IL17A: variants seen among roughly 807,000 people sequenced by gnomAD.
IL17A encodes interleukin 17A.
In IL17A, 1 loss-of-function variant was observed where a neutral mutation model predicts 7.2. The observed-to-expected ratio is 0.14, with a 90% CI of 0.05 to 0.66. IL17A has a LOEUF of 0.66. Ranked by LOEUF, IL17A falls within the 30% of genes least tolerant of loss-of-function variation. The probability of loss-of-function intolerance (pLI) is 0.84; values close to 1 mark genes in which losing one functional copy is unlikely to be tolerated. For missense variants in IL17A, 191 were observed against 197.1 expected (o/e 0.97, Z 0.18); for synonymous variants, 90 against 77.7 (o/e 1.16, Z -0.83).
At chr6:52,187,842 C>CAT in intron 2 of IL17A, 37 bp downstream of exon 2, 1 of 1,513,510 alleles carries the variant, frequency 6.6e-7, no homozygotes. Context: ...CTATATTCTT[C>CAT]ATCCCTCTTA....
In IL17A at chr6:52,186,398, C is replaced by T. The variant is rs1562345581; in HGVS notation, c.-34C>T. 1.9e-6 allele frequency: 3 copies of T among 1,612,646 alleles called. No homozygotes were observed. Among genetic ancestry groups the T allele is most frequent in the African/African-American group, 2.7e-5 (2 of 75,036 alleles). On this transcript the variant is annotated 5_prime_UTR_variant, in exon 1 of 3. Coordinates refer to ENST00000648244, the MANE Select transcript of IL17A (RefSeq NM_002190.3). ...TTGTCCATCTCATAGCAGGCACAAA[C>T]TCATCCATCCCCAGTTGATTGGAAG...
intron 1 of IL17A, among the ~76,000 whole-genome samples, chr6:52,186,716 G>C (rs1183423180): frequency 6.6e-6 from 1 of 152,212 alleles, no homozygotes; most frequent in Non-Finnish European, 1.5e-5. Flanking sequence ...GTCACATGAT[G>C]CTGTGCAGTA....
At chr6:52,188,514 T>G (rs1015824928) in intron 2 of IL17A, among the ~76,000 whole-genome samples, 1 of 152,146 alleles carries the variant, frequency 6.6e-6, no homozygotes, top group Admixed American at 6.5e-5. Context: ...TGCAAGCAAA[T>G]CATTCACTGA....
In IL17A at chr6:52,186,470, A is replaced by G. The variant is rs1395870429; in HGVS notation, c.27+12A>G. ...AGACCTCATTGGTGGTGAGTCCTGC[A>G]CTAACGTGCGATGCTCTTGCTGATT... On this transcript the variant is annotated intron_variant, in intron 1 of 2. Transcript: ENST00000648244. The G allele has an allele frequency of 6.2e-7, 1 of 1,613,576 alleles. No individual in the cohort carries two copies. The highest frequency in any genetic ancestry group is 1.3e-5 in the African/African-American group (1 of 74,936).
Position 52,190,453 on chromosome 6 carries a change from C to G in IL17A, c.*1161C>G, listed in dbSNP as rs2128262024. The G allele has an allele frequency of 6.6e-6, 1 of 152,324 alleles. No individual in the cohort carries two copies. The highest frequency in any genetic ancestry group is 1.9e-4 in the East Asian group (1 of 5,180). 9.4% of individuals were successfully genotyped at this position (152,324 alleles called of 1,614,324 possible). On this transcript the variant is annotated 3_prime_UTR_variant, in exon 3 of 3. Coordinates refer to ENST00000648244, the MANE Select transcript of IL17A (RefSeq NM_002190.3). ...CAGAGATCAACAGACCAACATTTTT[C>G]TCTTCCTCAAGCAACACTCCTAGGG...
rs764338682 is a variant in IL17A, at chr6:52,187,728, C to A, written c.153C>A (p.Ile51=). 1 of 1,614,080 alleles carries A rather than the reference C, an allele frequency of 6.2e-7. No homozygotes were observed. Among genetic ancestry groups the A allele is most frequent in the Admixed American group, 1.7e-5 (1 of 60,014 alleles). Residue 51 remains isoleucine, a synonymous_variant, in exon 2 of 3, where the codon ATC becomes ATA. Transcript: ENST00000648244. Reference sequence around the variant, plus strand: ...GGACTGTGATGGTCAACCTGAACATCCATAACCGGAATACCAATACCAATC... The same window carrying A: ...GGACTGTGATGGTCAACCTGAACATACATAACCGGAATACCAATACCAATC... ...FPRTVMVNLN[I]HNRNTNTNPK... is the part of the protein sequence containing the mutation.
Position 52,189,349 on chromosome 6 carries a change from C to A in IL17A, c.*57C>A. 5 of 1,307,016 alleles carry A rather than the reference C, an allele frequency of 3.8e-6. No homozygotes were observed. The highest frequency in any genetic ancestry group is 4.4e-6 in the Non-Finnish European group (4 of 915,918). 81.0% of individuals were successfully genotyped at this position (1,307,016 alleles called of 1,614,324 possible). ...GTTAGACTATGGAGAGCCGACCCAG[C>A]CCCTCAGGAACCCTCATCCTTCAAA... is the stretch of plus-strand genomic sequence containing the variant. On this transcript the variant is annotated 3_prime_UTR_variant, in exon 3 of 3. Transcript: ENST00000648244.
rs1000402748 is a variant in IL17A at position 52,187,484 on chromosome 6, C to T, written c.28-119C>T. On this transcript the variant is annotated intron_variant, in intron 1 of 2. Transcript: ENST00000648244. The stretch of plus-strand genomic sequence containing the variant: ...ATCTGAAAAATGTAGTATAGATTGT[C>T]CTGGAACATTGTGTGTTCTCTATGA... 4 of 840,480 alleles carry T rather than the reference C, an allele frequency of 4.8e-6. No individual in the cohort carries two copies. In the Admixed American group the frequency reaches 7.1e-5, roughly 15 times the overall value. The allele number at this position is 840,480 out of a possible 1,614,324, so 52.1% of individuals were successfully genotyped here.
chr6:52,187,897 A>G, intron 2 of IL17A, 92 bp downstream of exon 2: 1 of 1,113,214 alleles, frequency 9.0e-7, no homozygotes, highest in Non-Finnish European at 1.4e-6. Flanking sequence ...GATTTTATTC[A>G]TTTAGAATTA....
chr6:52,188,925 T>C, intron 2 of IL17A, 130 bp from the exon 3 acceptor site: 2 of 628,140 alleles, frequency 3.2e-6, no homozygotes, highest in Non-Finnish European at 2.7e-6. Flanking sequence ...CAAACTAACA[T>C]CATTTAAAGA....
Position 52,189,266 on chromosome 6 carries a change from AC to A in IL17A, c.446del (p.Pro149ArgfsTer42). 6.2e-7 allele frequency: 1 copy of A among 1,613,882 alleles called. No individual in the cohort carries two copies. The highest frequency in any genetic ancestry group is 8.5e-7 in the Non-Finnish European group (1 of 1,179,942). ...GGTGTCCGTGGGCTGCACCTGTGTC[AC>A]CCCGATTGTCCACCATGTGGCCTAA... ...ILVSVGCTCV[T>X]PIVHHVA On this transcript the variant is annotated frameshift_variant, in exon 3 of 3. Coordinates refer to ENST00000648244, the MANE Select transcript of IL17A (RefSeq NM_002190.3). LOFTEE classifies it high-confidence loss of function.
intron 1 of IL17A, 84 bp from the exon 2 acceptor site, chr6:52,187,519 C>A: frequency 1.0e-6 from 1 of 1,004,930 alleles, no homozygotes; most frequent in Non-Finnish European, 1.6e-6. Flanking sequence ...ATTAGCAATG[C>A]ATCATCATCA....
intron 1 of IL17A, 61 bp downstream of exon 1, chr6:52,186,519 C>T (rs961739686): frequency 3.2e-6 from 5 of 1,547,652 alleles, no homozygotes; most frequent in African/African-American, 2.7e-5. Context: ...ATTTCTGGAC[C>T]GTGGGCATGA....
chr6:52,189,297 T>C lies in IL17A; in HGVS notation c.*5T>C, dbSNP rs1242799234. ...ATTGTCCACCATGTGGCCTAAGAGC[T>C]CTGGGGAGCCCACACTCCCCAAAGC... is the stretch of plus-strand genomic sequence containing the variant. On this transcript the variant is annotated 3_prime_UTR_variant, in exon 3 of 3. Transcript: ENST00000648244. 6.2e-7 allele frequency: 1 copy of C among 1,611,000 alleles called. No homozygotes were observed. The highest frequency in any genetic ancestry group is 8.5e-7 in the Non-Finnish European group (1 of 1,177,584).
rs1763354993 is a variant in IL17A, at chr6:52,190,226, A to G, written c.*934A>G. On this transcript the variant is annotated 3_prime_UTR_variant, in exon 3 of 3. Transcript: ENST00000648244. ...ACTAAGGTTTTCATACTATTAGCCA[A>G]TGCTGTAGACAGAAGCATTTTGATA... is the stretch of plus-strand genomic sequence containing the variant. 1 of 152,220 alleles carries G rather than the reference A, an allele frequency of 6.6e-6. No individual in the cohort carries two copies. Among genetic ancestry groups the G allele is most frequent in the Admixed American group, 6.5e-5 (1 of 15,278 alleles). 9.4% of individuals were successfully genotyped at this position (152,220 alleles called of 1,614,324 possible).
intron 1 of IL17A, among the ~76,000 whole-genome samples, chr6:52,186,837 G>A (rs1008128962): frequency 4.6e-5 from 7 of 152,250 alleles, no homozygotes; most frequent in Middle Eastern, 3.4e-3. Context: ...TTTGAAAGCC[G>A]TAGCAGCAAC....
chr6:52,187,800 T>A lies in IL17A; in HGVS notation c.225T>A (p.Asn75Lys), dbSNP rs1177256325. 1 of 1,613,006 alleles carries A rather than the reference T, an allele frequency of 6.2e-7. No homozygotes were observed. The highest frequency in any genetic ancestry group is 8.5e-7 in the Non-Finnish European group (1 of 1,179,012). ...DYYNRSTSPW[N>K]LHRNEDPERY... ...ACAACCGATCCACCTCACCTTGGAA[T>A]CTCCAGTACGTAAAGCTTCCAGATA... The change falls in exon 2 of 3, where the codon AAT (asparagine) becomes AAA (lysine). Residue 75 changes from asparagine (N) to lysine (K), a missense_variant. Coordinates refer to ENST00000648244, the MANE Select transcript of IL17A (RefSeq NM_002190.3).
chr6:52,187,043 C>A (rs189641909), intron 1 of IL17A, among the ~76,000 whole-genome samples: 9 of 152,158 alleles, frequency 5.9e-5, no homozygotes, highest in Admixed American at 2.0e-4. Context: ...GGAAAATATA[C>A]CTAAGAAAAC....
Position 52,190,377 on chromosome 6 carries a change from A to G in IL17A, c.*1085A>G, listed in dbSNP as rs556536390. 31 of 152,262 alleles carry G rather than the reference A, an allele frequency of 2.0e-4. No homozygotes were observed. Among genetic ancestry groups the G allele is most frequent in the Admixed American group, 1.8e-3 (27 of 15,306 alleles). The allele number at this position is 152,262 out of a possible 1,614,324, so 9.4% of individuals were successfully genotyped here. A position where few individuals can be genotyped will look rare whatever the true frequency, so the allele number is the denominator to read the frequency against. The stretch of plus-strand genomic sequence containing the variant: ...GAGGAGACATTGTCTTCAGACTACA[A>G]TGTCCAGTTTCTCCCCTAGACTCAG... On this transcript the variant is annotated 3_prime_UTR_variant, in exon 3 of 3. Transcript: ENST00000648244.
Sources: allele counts gnomAD v4.1 joint callset (sites outside exome capture counted in the v4.1 genomes callset), GRCh38; gene constraint gnomAD v4.1.1; transcripts MANE v1.5; gene names NCBI Gene and HGNC (gene_info 2026-07-23, HGNC 2026-07-21).